ZNF667: variants seen among roughly 807,000 people sequenced by gnomAD.
The protein encoded by ZNF667 is myocardial ischemic preconditioning upregulated 1 ortholog.
Under a neutral mutation model 31.8 loss-of-function variants are expected in ZNF667, and 13 were observed. That is an observed-to-expected ratio of 0.41 (90% CI 0.27 to 0.65). ZNF667 has a LOEUF of 0.65. Ranked by LOEUF, ZNF667 falls within the 30% of genes least tolerant of loss-of-function variation. The pLI, the probability that ZNF667 is intolerant of heterozygous loss-of-function variation, is 0.32. For missense variants in ZNF667, 642 were observed against 725.6 expected, an observed-to-expected ratio of 0.88 and a Z score of 1.32; for synonymous variants, 228 against 247.1, an observed-to-expected ratio of 0.92 and a Z score of 0.73.
rs572087370 is a variant in ZNF667 at position 56,453,870 on chromosome 19, G to C, written c.253+4285C>G. On this transcript the variant is annotated intron_variant, in intron 6 of 6. Transcript: ENST00000504904. The stretch of plus-strand genomic sequence containing the variant: ...AATCAGAGAAGAGAAAGAAATAAAA[G>C]GCATCCAAGTTGGAAAGGAAGACGT... Among the ~76,000 whole-genome samples, 13 of 152,218 alleles carry C rather than the reference G, an allele frequency of 8.5e-5. No homozygotes were observed. In the East Asian group the frequency reaches 2.5e-3, roughly 29 times the overall value.
intron 1 of ZNF667, among the ~76,000 whole-genome samples, chr19:56,476,640 T>C (rs2043413905): frequency 6.6e-6 from 1 of 152,138 alleles, no homozygotes; most frequent in Non-Finnish European, 1.5e-5. Flanking sequence ...AATTAAACAG[T>C]TCCACAGATT....
chr19:56,470,678 T>C (rs80313441), intron 3 of ZNF667, among the ~76,000 whole-genome samples: 1,900 of 152,134 alleles, frequency 0.012, 40 homozygotes, highest in African/African-American at 0.044. Flanking sequence ...GTTTCTGTCA[T>C]AGTAGAGTGG....
intron 6 of ZNF667, among the ~76,000 whole-genome samples, chr19:56,453,024 A>C (rs2042866115): frequency 6.6e-6 from 1 of 152,198 alleles, no homozygotes; most frequent in Non-Finnish European, 1.5e-5. Context: ...AGATAAGACC[A>C]GAGATGCAAA....
Position 56,441,074 on chromosome 19 carries a change from A to G in ZNF667, c.*88T>C, listed in dbSNP as rs1600393196. The G allele has an allele frequency of 6.6e-7, 1 of 1,510,886 alleles. No individual in the cohort carries two copies. The highest frequency in any genetic ancestry group is 8.8e-7 in the Non-Finnish European group (1 of 1,135,134). 93.6% of individuals were successfully genotyped at this position (1,510,886 alleles called of 1,614,324 possible). On this transcript the variant is annotated 3_prime_UTR_variant, in exon 7 of 7. Transcript: ENST00000504904. This position sits in a 1 kb window ranked among gnomAD's most constrained non-coding sequence, Gnocchi z 4.2. ...GTGGGACATATCATCAAATGGTCCC[A>G]TATACACAAAATTTACATTATAGAC...
intron 6 of ZNF667, among the ~76,000 whole-genome samples, chr19:56,446,500 T>C (rs1400246774): frequency 1.3e-5 from 2 of 152,220 alleles, no homozygotes; most frequent in Non-Finnish European, 2.9e-5. Context: ...TCAATGTGTT[T>C]GATTTTGGGG....
At chr19:56,463,157 C>T (rs183873498) in intron 3 of ZNF667, among the ~76,000 whole-genome samples, 1 of 152,126 alleles carries the variant, frequency 6.6e-6, no homozygotes, top group Admixed American at 6.5e-5. Flanking sequence ...TCAAGTGTGA[C>T]ATCACTGGGG....
In ZNF667 at chr19:56,442,693, T is replaced by C. The variant is rs759512240; in HGVS notation, c.302A>G (p.Asn101Ser). 5.6e-6 allele frequency: 9 copies of C among 1,609,092 alleles called. No homozygotes were observed. In the Admixed American group the frequency reaches 1.3e-4, roughly 24 times the overall value. The change falls in exon 7 of 7, where the codon AAC (asparagine) becomes AGC (serine). Residue 101 changes from asparagine to serine, a missense_variant. Transcript: ENST00000504904. Reference sequence around the variant, plus strand: ...CTGGCAGATGCTTTGCCCAGATTTGTTGCATTGATTTGGAGGTAACTTCTT... The same window carrying C: ...CTGGCAGATGCTTTGCCCAGATTTGCTGCATTGATTTGGAGGTAACTTCTT... ...ETKKLPPNQC[N>S]KSGQSICQKL...
At chr19:56,477,078 G>A (rs1418361885) in intron 1 of ZNF667, 194 bp downstream of exon 1, 3 of 152,316 alleles carry the variant, frequency 2.0e-5, no homozygotes, top group African/African-American at 7.2e-5. Flanking sequence ...CAGCAGCGAA[G>A]GGCGCAAACC....
rs1181915968 is a variant in ZNF667, at chr19:56,455,326, AC to A, written c.253+2828del. On this transcript the variant is annotated intron_variant, in intron 6 of 6. Coordinates refer to ENST00000504904, the MANE Select transcript of ZNF667 (RefSeq NM_001321356.2). ...TCAGCAATCCTACTGCTTGGTATAT[AC>A]CCCCCCAAAAAAATAAATTAGTATA... Among the ~76,000 whole-genome samples, 5 of 151,928 alleles carry A rather than the reference AC, an allele frequency of 3.3e-5. No individual in the cohort carries two copies. In the East Asian group the frequency reaches 7.7e-4, roughly 24 times the overall value.
upstream of ZNF667, chr19:56,477,528 A>C (rs2043442740): frequency 2.0e-5 from 3 of 151,830 alleles, no homozygotes; most frequent in Admixed American, 6.6e-5. Context: ...GCGCGTTCGC[A>C]CGATTGGTGC....
chr19:56,446,301 G>A (rs62121590), intron 6 of ZNF667, among the ~76,000 whole-genome samples: 59,596 of 152,132 alleles, frequency 0.39, 12,300 homozygotes, highest in Middle Eastern at 0.54. Flanking sequence ...TAATGTGCGA[G>A]ATTTCTGGCA....
intron 5 of ZNF667, among the ~76,000 whole-genome samples, chr19:56,458,861 TA>T (rs1568447085): frequency 1.3e-5 from 2 of 152,122 alleles, no homozygotes; most frequent in Non-Finnish European, 2.9e-5. Context: ...TAAGCATAAG[TA>T]AAGCGCCTCC....
chr19:56,460,666 T>C (rs1212443660), intron 5 of ZNF667, 23 bp downstream of exon 5: 2 of 1,605,456 alleles, frequency 1.2e-6, no homozygotes, highest in South Asian at 1.1e-5. Context: ...TGGTTCTGGA[T>C]TGTGGGGGAC....
intron 5 of ZNF667, 68 bp from the exon 6 acceptor site, chr19:56,458,315 G>T: frequency 7.3e-7 from 1 of 1,373,282 alleles, no homozygotes; most frequent in Non-Finnish European, 1.0e-6. Context: ...GCCACGCTCT[G>T]CATCAACAGG....
intron 3 of ZNF667, among the ~76,000 whole-genome samples, chr19:56,464,722 C>T (rs763605769): frequency 2.6e-5 from 4 of 152,138 alleles, no homozygotes; most frequent in Non-Finnish European, 5.9e-5. Context: ...GTACCTCCCC[C>T]CTCCCTAAAC....
chr19:56,458,803 T>G (rs529802617), intron 5 of ZNF667, among the ~76,000 whole-genome samples: 1 of 152,324 alleles, frequency 6.6e-6, no homozygotes, highest in East Asian at 1.9e-4. Context: ...ATCTCTTGCA[T>G]CTGGCTGTTC....
chr19:56,471,588 T>A (rs1420516208), intron 3 of ZNF667, 111 bp downstream of exon 3: 1 of 152,248 alleles, frequency 6.6e-6, no homozygotes, highest in Non-Finnish European at 1.5e-5. Context: ...CAGCTGCCCA[T>A]AACAGAAAAC....
At chr19:56,469,888 C>T (rs1432207705) in intron 3 of ZNF667, 2 of 475,252 alleles carry the variant, frequency 4.2e-6, no homozygotes. Flanking sequence ...TCTTTACCAA[C>T]ACTTTTTCAA....
Position 56,442,355 on chromosome 19 carries a change from T to C in ZNF667, c.640A>G (p.Thr214Ala), listed in dbSNP as rs761191163. ...TGAATTCTCATATGTAGAATAAGGG[T>C]TGTTCTTTGATTGAAGCTTTCCCCA... ...KCGESFNQRT[T>A]LILHMRIHDG... The change falls in exon 7 of 7, where the codon ACC (threonine) becomes GCC (alanine). Residue 214 changes from threonine to alanine, a missense_variant. Physicochemically the swap from Thr to Ala is moderately conservative, Grantham distance 58 (BLOSUM62 0). Coordinates refer to ENST00000504904, the MANE Select transcript of ZNF667 (RefSeq NM_001321356.2). 6.2e-7 allele frequency: 1 copy of C among 1,613,988 alleles called. No individual in the cohort carries two copies. Among genetic ancestry groups the C allele is most frequent in the Non-Finnish European group, 8.5e-7 (1 of 1,179,958 alleles).
Sources: gnomAD v4.1 joint callset for allele counts (sites outside exome capture counted in the v4.1 genomes callset) on GRCh38, gnomAD v4.1.1 for gene constraint, Gnocchi (gnomAD v3.1) non-coding constraint, MANE v1.5 for transcripts, NCBI Gene and HGNC (gene_info 2026-07-23, HGNC 2026-07-21) for gene names.